Variants in GREB1L observed in about 807,000 individuals in gnomAD.
GREB1L encodes GREB1 like retinoic acid receptor coactivator.
GREB1L carries 17 observed loss-of-function variants against 200.8 expected under a neutral mutation model. The ratio of observed to expected loss-of-function variants is 0.08; its 90% confidence interval spans 0.06 to 0.13. The LOEUF (loss-of-function observed/expected upper bound fraction) is 0.13. Among genes scored for constraint, GREB1L ranks in the 10% least tolerant of loss-of-function variants. GREB1L has a pLI of 1.00. For synonymous variants in GREB1L, 789 were observed against 893.0 expected, an observed-to-expected ratio of 0.88 and a Z score of 2.08; for missense variants, 1,657 against 2,367.7, an observed-to-expected ratio of 0.70 and a Z score of 6.23.
intron 19 of GREB1L, among the ~76,000 whole-genome samples, chr18:21,491,118 T>TG (rs1256353499): frequency 6.6e-6 from 1 of 152,144 alleles, no homozygotes; most frequent in South Asian, 2.1e-4. Context: ...TGTAATCCAG[T>TG]GGGGCCTAGC....
chr18:21,405,106 TC>T (rs1220391866), intron 7 of GREB1L, among the ~76,000 whole-genome samples: 1 of 152,216 alleles, frequency 6.6e-6, no homozygotes, highest in African/African-American at 2.4e-5. Flanking sequence ...GTCCACCTCT[TC>T]CTGGATTGTA....
chr18:21,475,583 C>T (rs1019713350), intron 16 of GREB1L, among the ~76,000 whole-genome samples: 1 of 152,018 alleles, frequency 6.6e-6, no homozygotes, highest in Admixed American at 6.5e-5. Context: ...GCCTTGAACT[C>T]CTGACCTCGT....
At chr18:21,383,332 C>T (rs185237808) in intron 2 of GREB1L, among the ~76,000 whole-genome samples, 178 bp from the exon 3 acceptor site, 227 of 152,268 alleles carry the variant, frequency 1.5e-3, no homozygotes, top group African/African-American at 5.1e-3. Flanking sequence ...AAAAAGCACA[C>T]GTGACATGAT....
intron 16 of GREB1L, 73 bp from the exon 17 acceptor site, chr18:21,477,091 G>A: frequency 2.1e-6 from 2 of 964,318 alleles, no homozygotes; most frequent in African/African-American, 1.6e-5. Context: ...AAAACAGTAT[G>A]TCCATGTTAG....
At chr18:21,288,144 T>C (rs1480687810) in intron 1 of GREB1L, among the ~76,000 whole-genome samples, 2 of 152,172 alleles carry the variant, frequency 1.3e-5, no homozygotes, top group Non-Finnish European at 2.9e-5. Context: ...TATAATATTA[T>C]TACTTTTTCC....
At chr18:21,345,350 C>T (rs551363393) in intron 1 of GREB1L, among the ~76,000 whole-genome samples, 3 of 152,322 alleles carry the variant, frequency 2.0e-5, no homozygotes, top group East Asian at 3.9e-4. Flanking sequence ...CTGGCTGGAA[C>T]ATGCCATGTC....
intron 7 of GREB1L, among the ~76,000 whole-genome samples, chr18:21,420,007 T>C (rs146587139): frequency 1.9e-4 from 29 of 152,340 alleles, no homozygotes; most frequent in South Asian, 1.0e-3. Context: ...ACCAAAAGTT[T>C]AATCTAAAAA....
chr18:21,270,638 A>G (rs777896801), intron 1 of GREB1L, among the ~76,000 whole-genome samples: 1 of 152,152 alleles, frequency 6.6e-6, no homozygotes, highest in Non-Finnish European at 1.5e-5. Context: ...CTAAGCTGTG[A>G]TGTTGTTTTA....
Position 21,356,839 on chromosome 18 carries a change from T to C in GREB1L, c.-119-9188T>C, listed in dbSNP as rs552994144. On this transcript the variant is annotated intron_variant, in intron 1 of 32. Coordinates refer to ENST00000424526, the MANE Select transcript of GREB1L (RefSeq NM_001142966.3). ...TCTACATCCTCTCCAACACCTGTTATCTTTCATCTTTTTTATAATAGCCAT... is the reference window on the plus strand; with the variant it reads ...TCTACATCCTCTCCAACACCTGTTACCTTTCATCTTTTTTATAATAGCCAT... Among the ~76,000 whole-genome samples the C allele has an allele frequency of 4.6e-5, 7 of 152,328 alleles. No individual in the cohort carries two copies. In the South Asian group the frequency reaches 1.4e-3, roughly 32 times the overall value.
chr18:21,377,643 C>T (rs563903831), intron 2 of GREB1L, among the ~76,000 whole-genome samples: 5 of 152,050 alleles, frequency 3.3e-5, no homozygotes, highest in Non-Finnish European at 5.9e-5. Flanking sequence ...TTGCAGTGAG[C>T]CAAGATTGTG....
At position 21,471,634 on chromosome 18, in the gene GREB1L, T is replaced by C. The variant is rs1356059328; in HGVS notation, c.2183-1397T>C. The stretch of plus-strand genomic sequence containing the variant: ...CTCTTTTGTTTCTTTTTTTTTTTTT[T>C]TTTTTTTGAAACAGTCTCACTGTAT... On this transcript the variant is annotated intron_variant, in intron 15 of 32. Coordinates refer to ENST00000424526, the MANE Select transcript of GREB1L (RefSeq NM_001142966.3). Among the ~76,000 whole-genome samples the C allele has an allele frequency of 1.3e-4, 4 of 31,752 alleles. No individual in the cohort carries two copies. The Non-Finnish European group carries it at 2.3e-3, about 18-fold the overall frequency. The allele number at this position is 31,752 out of a possible 152,430, so 20.8% of individuals were successfully genotyped here.
chr18:21,444,544 A>T lies in GREB1L; in HGVS notation c.1393+135A>T. ...TCGCTTCTAATGTTCTTTCCCTTCA[A>T]CCCCATTCTCTGTAACTTTTCCCTT... On this transcript the variant is annotated intron_variant, in intron 11 of 32. Coordinates refer to ENST00000424526, the MANE Select transcript of GREB1L (RefSeq NM_001142966.3). 4.2e-6 allele frequency: 3 copies of T among 719,496 alleles called. No individual in the cohort carries two copies. In the East Asian group the frequency reaches 8.2e-5, roughly 20 times the overall value. The allele number at this position is 719,496 out of a possible 1,614,324, so 44.6% of individuals were successfully genotyped here.
At chr18:21,381,840 G>T (rs1257763187) in intron 2 of GREB1L, among the ~76,000 whole-genome samples, 1 of 152,126 alleles carries the variant, frequency 6.6e-6, no homozygotes, top group African/African-American at 2.4e-5. Flanking sequence ...AAGGTCTTTT[G>T]CCCTTTTGAT....
rs2037641461 is a variant in GREB1L at position 21,523,775 on chromosome 18, T to C, written c.*954T>C. 1.3e-5 allele frequency: 2 copies of C among 152,210 alleles called. No individual in the cohort carries two copies. Among genetic ancestry groups the C allele is most frequent in the African/African-American group, 4.8e-5 (2 of 41,458 alleles). The allele number at this position is 152,210 out of a possible 1,614,324, so 9.4% of individuals were successfully genotyped here. ...CTCAAGCAAAGCTTCCTTTAAAAGATGCACTAAATATTACCACCTTACACT... is the reference window on the plus strand; with the variant it reads ...CTCAAGCAAAGCTTCCTTTAAAAGACGCACTAAATATTACCACCTTACACT... On this transcript the variant is annotated 3_prime_UTR_variant, in exon 33 of 33. Transcript: ENST00000424526.
At chr18:21,475,405 G>C (rs1348308107) in intron 16 of GREB1L, among the ~76,000 whole-genome samples, 1 of 152,124 alleles carries the variant, frequency 6.6e-6, no homozygotes, top group Non-Finnish European at 1.5e-5. Context: ...TGTCACCCAG[G>C]CTGGAGTGCA....
chr18:21,336,488 G>A (rs1309217203), intron 1 of GREB1L, among the ~76,000 whole-genome samples: 1 of 152,084 alleles, frequency 6.6e-6, no homozygotes, highest in African/African-American at 2.4e-5. Context: ...AAATCCCTTA[G>A]CATTGGGAAT....
chr18:21,284,873 A>G (rs1289456822), intron 1 of GREB1L, among the ~76,000 whole-genome samples: 1 of 152,060 alleles, frequency 6.6e-6, no homozygotes, highest in Non-Finnish European at 1.5e-5. Flanking sequence ...TAGCCATCCC[A>G]GTGGGTATGA....
intron 15 of GREB1L, among the ~76,000 whole-genome samples, chr18:21,463,731 C>T (rs2035152324): frequency 6.6e-6 from 1 of 152,140 alleles, no homozygotes; most frequent in Non-Finnish European, 1.5e-5. Flanking sequence ...GCACATGCCA[C>T]CACACTTGGC....
intron 29 of GREB1L, among the ~76,000 whole-genome samples, chr18:21,516,173 A>G (rs1374204174): frequency 1.3e-5 from 2 of 152,252 alleles, no homozygotes; most frequent in South Asian, 2.1e-4. Flanking sequence ...ACAAAACCTG[A>G]GAGGGCCAAG....
Sources: gnomAD v4.1 joint callset for allele counts (sites outside exome capture counted in the v4.1 genomes callset) on GRCh38, gnomAD v4.1.1 for gene constraint, MANE v1.5 for transcripts, NCBI Gene and HGNC (gene_info 2026-07-23, HGNC 2026-07-21) for gene names.